SEMA6A: variants seen among roughly 807,000 people sequenced by gnomAD.
The protein encoded by SEMA6A is semaphorin 6A, also known as semaphorin-6A.
A neutral mutation model predicts 96.8 loss-of-function variants in SEMA6A; 25 were observed. The ratio of observed to expected loss-of-function variants is 0.26; its 90% CI spans 0.19 to 0.36. The LOEUF is 0.36. Among genes scored for constraint, SEMA6A ranks in the 10% least tolerant of loss-of-function variants. The pLI, the probability that SEMA6A is intolerant of heterozygous loss-of-function variation, is 1.00. For synonymous variants in SEMA6A, 612 were observed against 518.0 expected, an observed-to-expected ratio of 1.18 and a Z score of -2.46; for missense variants, 1,363 against 1,323.1, an observed-to-expected ratio of 1.03 and a Z score of -0.47.
At chr5:116,505,166 C>G (rs201640284) in intron 1 of SEMA6A, among the ~76,000 whole-genome samples, 184 bp from the exon 2 acceptor site, 1 of 152,132 alleles carries the variant, frequency 6.6e-6, no homozygotes, top group Non-Finnish European at 1.5e-5. Flanking sequence ...TCCTTCCCCA[C>G]GCATCTGAGC....
chr5:116,569,198 G>A (rs1400526350), intron 1 of SEMA6A, among the ~76,000 whole-genome samples: 2 of 152,186 alleles, frequency 1.3e-5, no homozygotes, highest in African/African-American at 4.8e-5. Context: ...GTGGGAAAGA[G>A]TAAAGTAAAT....
At chr5:116,555,400 G>A (rs1199528175) in intron 1 of SEMA6A, among the ~76,000 whole-genome samples, 2 of 152,126 alleles carry the variant, frequency 1.3e-5, no homozygotes, top group African/African-American at 2.4e-5. Flanking sequence ...TCAGCTGTTT[G>A]GTTTTGTGAA....
At chr5:116,544,951 CT>C (rs1760122765) in intron 1 of SEMA6A, among the ~76,000 whole-genome samples, 1 of 152,162 alleles carries the variant, frequency 6.6e-6, no homozygotes, top group Non-Finnish European at 1.5e-5. Context: ...CAGTAAACAA[CT>C]TTCCTTCCAG....
At chr5:116,521,525 C>A (rs1758946403) in intron 1 of SEMA6A, among the ~76,000 whole-genome samples, 1 of 152,214 alleles carries the variant, frequency 6.6e-6, no homozygotes, top group South Asian at 2.1e-4. Flanking sequence ...TGGGTGGGGA[C>A]ACTGGCTCTG....
intron 15 of SEMA6A, 113 bp from the exon 16 acceptor site, chr5:116,475,716 G>A: frequency 1.5e-6 from 1 of 680,456 alleles, no homozygotes. Flanking sequence ...TTGAGTGGCA[G>A]GTGCAAAAAA....
chr5:116,520,922 GACTCAA>G (rs1252916474), intron 1 of SEMA6A, among the ~76,000 whole-genome samples: 1 of 152,118 alleles, frequency 6.6e-6, no homozygotes, highest in African/African-American at 2.4e-5. Context: ...TCCTGCTGTG[GACTCAA>G]ACTCTTGCTG....
chr5:116,536,906 G>A (rs773193303), intron 1 of SEMA6A, among the ~76,000 whole-genome samples: 1 of 132,712 alleles, frequency 7.5e-6, no homozygotes, highest in Non-Finnish European at 1.6e-5. Flanking sequence ...CAAAACTGGT[G>A]TTCTTTTGTG....
chr5:116,572,858 C>A (rs967735277), intron 1 of SEMA6A, among the ~76,000 whole-genome samples: 37 of 152,328 alleles, frequency 2.4e-4, no homozygotes, highest in Non-Finnish European at 3.5e-4. Context: ...GTGCCTGCCG[C>A]CCCTGGCTTT....
At chr5:116,508,780 A>T (rs1239571339) in intron 1 of SEMA6A, among the ~76,000 whole-genome samples, 1 of 152,138 alleles carries the variant, frequency 6.6e-6, no homozygotes, top group African/African-American at 2.4e-5. Context: ...CTCTCTCCAG[A>T]CGGAAACATT....
chr5:116,463,535 T>C (rs1213033112), intron 18 of SEMA6A, among the ~76,000 whole-genome samples: 1 of 152,252 alleles, frequency 6.6e-6, no homozygotes, highest in East Asian at 1.9e-4. Context: ...AAATAGCTTG[T>C]ACATTGATTA....
intron 2 of SEMA6A, among the ~76,000 whole-genome samples, chr5:116,504,643 C>T (rs1561503004): frequency 6.6e-6 from 1 of 152,198 alleles, no homozygotes; most frequent in Non-Finnish European, 1.5e-5. Context: ...AATCCTCACA[C>T]GTGTCCCCAC....
chr5:116,529,632 A>G (rs1435699004), intron 1 of SEMA6A, among the ~76,000 whole-genome samples: 2 of 152,206 alleles, frequency 1.3e-5, no homozygotes, highest in Non-Finnish European at 2.9e-5. Flanking sequence ...TGGTTCCAAA[A>G]CCATGAAGAA....
In SEMA6A at chr5:116,482,518, A is replaced by C; in HGVS notation, c.1020T>G (p.Thr340=). The C allele has an allele frequency of 3.7e-6, 6 of 1,613,698 alleles. No homozygotes were observed. The highest frequency in any genetic ancestry group is 5.1e-6 in the Non-Finnish European group (6 of 1,179,696). The change falls in exon 11 of 19, where the codon ACT becomes ACG. Residue 340 remains threonine, a synonymous_variant. Transcript: ENST00000343348. ...GAGACTTCTGTTCCTTGAATCTCCC[A>C]GTAAAAACACTGGCAATGTCAAGCA... ...YDMLDIASVF[T]GRFKEQKSPD...
intron 1 of SEMA6A, among the ~76,000 whole-genome samples, chr5:116,523,709 G>A (rs895079346): frequency 2.0e-5 from 3 of 152,174 alleles, no homozygotes; most frequent in South Asian, 2.1e-4. Context: ...CACCTAGAGA[G>A]CTTCAAAAAT....
chr5:116,449,373 A>G lies in SEMA6A; in HGVS notation c.1895-1562T>C, dbSNP rs76766203. On this transcript the variant is annotated intron_variant, in intron 18 of 18. Coordinates refer to ENST00000343348, the MANE Select transcript of SEMA6A (RefSeq NM_020796.5). ...CTACTAAATCAACTCTTTCTGGAAT[A>G]TGTTTCATGTATTTTACTGGCAGGT... The G allele has an allele frequency of 9.8e-4, 685 of 702,430 alleles. 9 individuals are homozygous for G. The East Asian group carries it at 0.016, about 16-fold the overall frequency. 43.5% of individuals were successfully genotyped at this position (702,430 alleles called of 1,614,324 possible). A position where few individuals can be genotyped will look rare whatever the true frequency, so the allele number is the denominator to read the frequency against.
intron 17 of SEMA6A, among the ~76,000 whole-genome samples, chr5:116,471,891 C>T (rs186507666): frequency 1.3e-5 from 2 of 152,220 alleles, no homozygotes; most frequent in African/African-American, 4.8e-5. Context: ...CTTTCTTTTC[C>T]TTCCCCTTTG....
chr5:116,547,399 CAT>C (rs1196136515), intron 1 of SEMA6A, among the ~76,000 whole-genome samples: 1 of 152,064 alleles, frequency 6.6e-6, no homozygotes, highest in Non-Finnish European at 1.5e-5. Context: ...AAGATTCAAA[CAT>C]AGAAAATTAA....
rs553815822 is a variant in SEMA6A, at chr5:116,488,927, T to C, written c.616A>G (p.Thr206Ala). ...VIYRSLGESP[T>A]LRTVKHDSKW... The stretch of plus-strand genomic sequence containing the variant: ...GAATCGTGCTTGACGGTCCGCAGGG[T>C]AGGGCTTTCTCCAAGACTCCGGTAA... Residue 206 changes from threonine (T) to alanine (A), a missense_variant, in exon 8 of 19, where the codon ACC (threonine) becomes GCC (alanine). Around this residue, in one of 2 missense-constraint regions of SEMA6A, gnomAD observed 480 missense variants for 559.5 expected, o/e 0.86. Coordinates refer to ENST00000343348, the MANE Select transcript of SEMA6A (RefSeq NM_020796.5). The C allele has an allele frequency of 1.6e-5, 25 of 1,588,538 alleles. No individual in the cohort carries two copies. The highest frequency in any genetic ancestry group is 2.1e-5 in the Non-Finnish European group (24 of 1,166,378).
chr5:116,524,807 A>C (rs1759145478), intron 1 of SEMA6A, among the ~76,000 whole-genome samples: 1 of 15,762 alleles, frequency 6.3e-5, no homozygotes, highest in South Asian at 5.0e-3. Context: ...CACACACACA[A>C]TTTTTAGAGC....
Sources: allele counts gnomAD v4.1 joint callset (sites outside exome capture counted in the v4.1 genomes callset), GRCh38; gene constraint gnomAD v4.1.1; regional missense constraint gnomAD v4.1.1; transcripts MANE v1.5; gene names NCBI Gene and HGNC (gene_info 2026-07-23, HGNC 2026-07-21).